Variants in PCCA observed in about 807,000 individuals in gnomAD.
PCCA encodes propionyl-CoA carboxylase alpha chain, mitochondrial.
Under a neutral mutation model 101.3 loss-of-function variants are expected in PCCA, and 74 were observed. The ratio of observed to expected loss-of-function variants is 0.73; its 90% CI spans 0.61 to 0.89. PCCA has a LOEUF of 0.89. Ranked by LOEUF, PCCA falls within the 40% of genes least tolerant of loss-of-function variation. The pLI, the probability that PCCA is intolerant of heterozygous loss-of-function variation, is 0.00. For missense variants in PCCA, 891 were observed against 907.0 expected, an observed-to-expected ratio of 0.98 and a Z score of 0.23; for synonymous variants, 294 against 313.6, an observed-to-expected ratio of 0.94 and a Z score of 0.66.
intron 4 of PCCA, 88 bp downstream of exon 4, chr13:100,112,149 G>A: frequency 1.1e-6 from 1 of 881,638 alleles, no homozygotes; most frequent in Non-Finnish European, 1.9e-6. Flanking sequence ...TTCTTGGCCT[G>A]CACAAGATAC....
chr13:100,509,186 C>T lies in PCCA; in HGVS notation c.1900-6241C>T, dbSNP rs551450958. ...CAGTGTTTCTCAAATGTGCACTTGC[C>T]AGTAGACGGATATGTTAACTGTTAC... On this transcript the variant is annotated intron_variant, in intron 21 of 23. Transcript: ENST00000376285. Among the ~76,000 whole-genome samples, 3 of 152,212 alleles carry T rather than the reference C, an allele frequency of 2.0e-5. No individual in the cohort carries two copies. In the South Asian group the frequency reaches 6.2e-4, roughly 32 times the overall value.
chr13:100,284,370 G>A (rs1223152758), intron 12 of PCCA, among the ~76,000 whole-genome samples: 1 of 152,124 alleles, frequency 6.6e-6, no homozygotes, highest in Non-Finnish European at 1.5e-5. Flanking sequence ...CTGAAGTCTG[G>A]GCATTGGAAG....
chr13:100,446,085 G>C (rs780954561), intron 20 of PCCA, among the ~76,000 whole-genome samples: 2 of 152,070 alleles, frequency 1.3e-5, no homozygotes, highest in Non-Finnish European at 2.9e-5. Context: ...TGGTGCCCAG[G>C]CTGGAGTGCT....
At chr13:100,235,526 A>G (rs1392105905) in intron 7 of PCCA, among the ~76,000 whole-genome samples, 4 of 152,170 alleles carry the variant, frequency 2.6e-5, no homozygotes, top group East Asian at 1.9e-4. Context: ...CTGATTTATG[A>G]TTCAGTATTG....
chr13:100,172,491 A>G (rs1405969695), intron 6 of PCCA, among the ~76,000 whole-genome samples: 3 of 152,232 alleles, frequency 2.0e-5, no homozygotes, highest in Middle Eastern at 6.8e-3. Flanking sequence ...TGTAATTTTT[A>G]TGCTTTGTAG....
At chr13:100,115,134 C>A (rs183119134) in intron 4 of PCCA, among the ~76,000 whole-genome samples, 72 of 152,272 alleles carry the variant, frequency 4.7e-4, no homozygotes, top group African/African-American at 1.2e-3. Flanking sequence ...ATGGATGGAA[C>A]TGGTGGAGGA....
At chr13:100,257,929 A>G (rs1246678322) in intron 9 of PCCA, among the ~76,000 whole-genome samples, 2 of 152,148 alleles carry the variant, frequency 1.3e-5, no homozygotes, top group Admixed American at 6.6e-5. Flanking sequence ...TTTTTACCGT[A>G]TATTTTTAAA....
intron 18 of PCCA, among the ~76,000 whole-genome samples, chr13:100,365,908 A>C (rs2152808080): frequency 6.6e-6 from 1 of 152,342 alleles, no homozygotes; most frequent in East Asian, 1.9e-4. Flanking sequence ...GCCTGAGTTC[A>C]AAACCACTGT....
At chr13:100,205,683 A>G (rs1319497578) in intron 6 of PCCA, among the ~76,000 whole-genome samples, 1 of 151,772 alleles carries the variant, frequency 6.6e-6, no homozygotes, top group Non-Finnish European at 1.5e-5. Context: ...ATCATAATGT[A>G]TTTTGGATGT....
intron 2 of PCCA, among the ~76,000 whole-genome samples, chr13:100,103,520 C>T (rs1031940932): frequency 6.6e-6 from 1 of 151,916 alleles, no homozygotes; most frequent in Non-Finnish European, 1.5e-5. Flanking sequence ...CCATGTTGGC[C>T]AGGATGGTCT....
At chr13:100,315,558 A>C (rs2067271543) in intron 16 of PCCA, among the ~76,000 whole-genome samples, 1 of 152,182 alleles carries the variant, frequency 6.6e-6, no homozygotes, top group East Asian at 1.9e-4. Context: ...TTTTGTTAAG[A>C]TAGAGAAACT....
chr13:100,245,968 A>C (rs942122348), intron 8 of PCCA, among the ~76,000 whole-genome samples: 1 of 152,244 alleles, frequency 6.6e-6, no homozygotes, highest in African/African-American at 2.4e-5. Context: ...ATTCTCTCTC[A>C]ACAAAGCCAT....
chr13:100,101,595 A>G (rs1205942494), intron 1 of PCCA, among the ~76,000 whole-genome samples: 2 of 152,004 alleles, frequency 1.3e-5, no homozygotes, highest in African/African-American at 4.8e-5. Flanking sequence ...TTTTAAATTA[A>G]TTAAATAATT....
At chr13:100,452,420 G>A (rs2081395778) in intron 21 of PCCA, among the ~76,000 whole-genome samples, 1 of 152,032 alleles carries the variant, frequency 6.6e-6, no homozygotes, top group African/African-American at 2.4e-5. Flanking sequence ...ACATCCCTTG[G>A]TTGGCCTTGT....
At chr13:100,212,428 C>T (rs192099082) in intron 7 of PCCA, among the ~76,000 whole-genome samples, 1 of 152,298 alleles carries the variant, frequency 6.6e-6, no homozygotes, top group East Asian at 1.9e-4. Context: ...AAAAGTTTGC[C>T]TATCCCTGCT....
chr13:100,333,543 C>A (rs771202315), intron 17 of PCCA, among the ~76,000 whole-genome samples: 13 of 152,190 alleles, frequency 8.5e-5, no homozygotes, highest in African/African-American at 1.7e-4. Flanking sequence ...AAATAGGATA[C>A]ATGAGAAATT....
At chr13:100,359,744 A>G (rs932646207) in intron 18 of PCCA, among the ~76,000 whole-genome samples, 2 of 152,240 alleles carry the variant, frequency 1.3e-5, no homozygotes, top group Non-Finnish European at 2.9e-5. Context: ...AAATAGGCAT[A>G]AAGTTAACAA....
chr13:100,294,440 C>T (rs1193083459), intron 12 of PCCA, among the ~76,000 whole-genome samples: 2 of 151,932 alleles, frequency 1.3e-5, no homozygotes, highest in Non-Finnish European at 1.5e-5. Flanking sequence ...GTTCCGTTTT[C>T]GTGGTCACTC....
chr13:100,103,943 T>C (rs1205887992), intron 2 of PCCA, among the ~76,000 whole-genome samples: 1 of 152,214 alleles, frequency 6.6e-6, no homozygotes, highest in African/African-American at 2.4e-5. Flanking sequence ...GCCTATATGA[T>C]TCATTTAGAT....
Sources: gnomAD v4.1 joint callset for allele counts (sites outside exome capture counted in the v4.1 genomes callset) on GRCh38, gnomAD v4.1.1 for gene constraint, MANE v1.5 for transcripts, NCBI Gene and HGNC (gene_info 2026-07-23, HGNC 2026-07-21) for gene names.